The following EYS variants were observed in gnomAD, a reference collection of about 807,000 sequenced individuals.
The protein encoded by EYS is protein eyes shut homolog.
Under a neutral mutation model 282.1 loss-of-function variants are expected in EYS, and 250 were observed. The observed-to-expected ratio is 0.89, with a 90% CI of 0.80 to 0.98. The LOEUF is 0.98. Ranked by LOEUF, EYS falls within the 50% of genes least tolerant of loss-of-function variation. The pLI is 0.00. For synonymous variants in EYS, 1,355 were observed against 1,282.9 expected (o/e 1.06, Z -1.20); for missense variants, 4,016 against 3,709.0 (o/e 1.08, Z -2.15).
chr6:65,110,589 A>G (rs1414119923), intron 12 of EYS, among the ~76,000 whole-genome samples: 2 of 151,930 alleles, frequency 1.3e-5, no homozygotes, highest in African/African-American at 4.8e-5. Context: ...AGAGATAATC[A>G]TTTTTCCACG....
intron 13 of EYS, among the ~76,000 whole-genome samples, chr6:65,053,131 C>T (rs529975890): frequency 2.8e-4 from 43 of 151,850 alleles, no homozygotes; most frequent in Non-Finnish European, 5.2e-4. Context: ...CATAAATGGA[C>T]TATATAATCA....
At chr6:65,086,229 T>C (rs935853159) in intron 12 of EYS, among the ~76,000 whole-genome samples, 1 of 152,060 alleles carries the variant, frequency 6.6e-6, no homozygotes, top group African/African-American at 2.4e-5. Context: ...GGCAGGAGAA[T>C]TGCTGGAACC....
intron 19 of EYS, among the ~76,000 whole-genome samples, chr6:64,826,650 T>C (rs1174187763): frequency 6.8e-6 from 1 of 147,884 alleles, no homozygotes; most frequent in East Asian, 2.0e-4. Flanking sequence ...AGAAATTATA[T>C]ATATTCCTAT....
intron 21 of EYS, among the ~76,000 whole-genome samples, chr6:64,819,787 T>A (rs1213397518): frequency 6.6e-6 from 1 of 151,968 alleles, no homozygotes; most frequent in East Asian, 1.9e-4. Flanking sequence ...GTGTCCAGAC[T>A]TTATAAAAGA....
chr6:65,390,891 T>TA (rs1459997439), intron 7 of EYS, among the ~76,000 whole-genome samples: 4 of 124,748 alleles, frequency 3.2e-5, no homozygotes, highest in Middle Eastern at 4.1e-3. Flanking sequence ...CTCTAAAAAA[T>TA]AAAAAAATAA....
At chr6:65,386,111 G>T (rs543659405) in intron 7 of EYS, among the ~76,000 whole-genome samples, 1 of 151,678 alleles carries the variant, frequency 6.6e-6, no homozygotes, top group African/African-American at 2.4e-5. Flanking sequence ...AGACCCAAAT[G>T]GTGTTGAATG....
chr6:65,184,137 A>G (rs1322842949), intron 12 of EYS, among the ~76,000 whole-genome samples: 1 of 151,980 alleles, frequency 6.6e-6, no homozygotes, highest in Non-Finnish European at 1.5e-5. Flanking sequence ...CGCATAAAAC[A>G]TCGTGATGTG....
At chr6:64,277,380 T>C (rs6929549) in intron 30 of EYS, among the ~76,000 whole-genome samples, 107,816 of 151,936 alleles carry the variant, frequency 0.71, 38,387 homozygotes, top group African/African-American at 0.77. Context: ...AATTTGGCTT[T>C]ACAAAGAAGT....
chr6:64,843,001 A>G (rs1765610886), intron 19 of EYS, among the ~76,000 whole-genome samples: 2 of 152,118 alleles, frequency 1.3e-5, no homozygotes. Context: ...AGGGCATGTC[A>G]TAGGTCTCAT....
intron 2 of EYS, among the ~76,000 whole-genome samples, chr6:65,629,666 C>T (rs1360825535): frequency 2.6e-5 from 4 of 152,092 alleles, no homozygotes; most frequent in African/African-American, 9.7e-5. Context: ...AAAACCCTAC[C>T]CTCAAACTCC....
chr6:64,193,953 A>G (rs1488467792), intron 31 of EYS, among the ~76,000 whole-genome samples: 3 of 152,202 alleles, frequency 2.0e-5, no homozygotes, highest in Non-Finnish European at 4.4e-5. Flanking sequence ...TAGTGCTGCA[A>G]TAAACATACG....
chr6:63,742,327 C>G (rs899144671), intron 41 of EYS, among the ~76,000 whole-genome samples: 1 of 152,122 alleles, frequency 6.6e-6, no homozygotes, highest in African/African-American at 2.4e-5. Context: ...AAAGCTACAG[C>G]CAGCCTCTTG....
chr6:65,020,345 C>G (rs775143270), intron 13 of EYS, among the ~76,000 whole-genome samples: 3 of 152,084 alleles, frequency 2.0e-5, no homozygotes, highest in Non-Finnish European at 4.4e-5. Context: ...GGACCCATTT[C>G]AAAAGGGAGA....
chr6:64,042,405 C>T (rs1269104159), intron 33 of EYS, among the ~76,000 whole-genome samples: 1 of 152,184 alleles, frequency 6.6e-6, no homozygotes, highest in Non-Finnish European at 1.5e-5. Context: ...TAAGTATGCC[C>T]TGCTCTATTC....
At chr6:64,862,685 A>ATTTTT (rs142710649) in intron 19 of EYS, among the ~76,000 whole-genome samples, 307 of 151,866 alleles carry the variant, frequency 2.0e-3, no homozygotes, top group Middle Eastern at 3.4e-3. Flanking sequence ...AATTATTATT[A>ATTTTT]TTTTTTTGCA....
At chr6:64,068,136 T>C (rs556424097) in intron 32 of EYS, among the ~76,000 whole-genome samples, 16 of 152,302 alleles carry the variant, frequency 1.1e-4, no homozygotes, top group African/African-American at 2.9e-4. Flanking sequence ...AGCTGATCCA[T>C]AGCCTTATCA....
chr6:65,693,477 G>C (rs1769322374), intron 1 of EYS, among the ~76,000 whole-genome samples: 2 of 141,814 alleles, frequency 1.4e-5, no homozygotes, highest in Non-Finnish European at 1.5e-5. Flanking sequence ...TTTATAAAAT[G>C]CAAGAGAAAG....
intron 14 of EYS, among the ~76,000 whole-genome samples, chr6:64,950,790 T>C (rs574264814): frequency 1.4e-3 from 124 of 88,958 alleles, no homozygotes; most frequent in Non-Finnish European, 2.2e-3. Flanking sequence ...TATACACATA[T>C]ACATATACAT....
chr6:64,391,688 C>T (rs1395585444), intron 28 of EYS, among the ~76,000 whole-genome samples: 2 of 152,038 alleles, frequency 1.3e-5, no homozygotes, highest in African/African-American at 4.8e-5. Context: ...AATGTAAAGA[C>T]CATCAAGACT....
Sources: gnomAD v4.1 joint callset for allele counts (sites outside exome capture counted in the v4.1 genomes callset) on GRCh38, gnomAD v4.1.1 for gene constraint, MANE v1.5 for transcripts, NCBI Gene and HGNC (gene_info 2026-07-23, HGNC 2026-07-21) for gene names.